ADAMTSL1: variants seen among roughly 807,000 people sequenced by gnomAD.
ADAMTSL1 encodes ADAMTS-like protein 1.
ADAMTSL1 carries 126 observed loss-of-function variants against 201.8 expected under a neutral mutation model. That is an observed-to-expected ratio of 0.62 (90% CI 0.54 to 0.72). The LOEUF (loss-of-function observed/expected upper bound fraction) is 0.72. Among genes scored for constraint, ADAMTSL1 ranks in the 30% least tolerant of loss-of-function variants. The pLI is 0.00. For missense variants in ADAMTSL1, 2,679 were observed against 2,277.8 expected (o/e 1.18, Z -3.59); for synonymous variants, 1,121 against 903.4 (o/e 1.24, Z -4.32).
chr9:18,021,543 A>G (rs571606216), intron 1 of ADAMTSL1, among the ~76,000 whole-genome samples: 23 of 152,212 alleles, frequency 1.5e-4, no homozygotes, highest in African/African-American at 5.3e-4. Context: ...TCTTTACAAA[A>G]CAAGCGATTG....
intron 3 of ADAMTSL1, among the ~76,000 whole-genome samples, chr9:18,538,720 A>G (rs937683143): frequency 1.3e-5 from 2 of 152,174 alleles, no homozygotes; most frequent in South Asian, 4.1e-4. Flanking sequence ...CATGGCATTC[A>G]CAGAGTTGTT....
chr9:18,466,857 T>C (rs1821025667), intron 2 of ADAMTSL1, among the ~76,000 whole-genome samples: 2 of 152,180 alleles, frequency 1.3e-5, no homozygotes, highest in African/African-American at 2.4e-5. Flanking sequence ...TGATCTGTTG[T>C]ATTTTAGGGG....
chr9:18,679,247 C>T (rs1192252748), intron 10 of ADAMTSL1, among the ~76,000 whole-genome samples: 1 of 152,134 alleles, frequency 6.6e-6, no homozygotes, highest in Non-Finnish European at 1.5e-5. Flanking sequence ...AATGGATCAA[C>T]CCAGTGACAT....
At chr9:18,562,090 T>G (rs1218757182) in intron 3 of ADAMTSL1, among the ~76,000 whole-genome samples, 1 of 152,168 alleles carries the variant, frequency 6.6e-6, no homozygotes, top group Non-Finnish European at 1.5e-5. Context: ...ATTTTGCCCA[T>G]TAGTTGATGC....
intron 2 of ADAMTSL1, among the ~76,000 whole-genome samples, chr9:18,250,898 C>T (rs922749376): frequency 1.3e-4 from 20 of 152,036 alleles, no homozygotes; most frequent in African/African-American, 4.8e-4. Flanking sequence ...TGTGTGAGTG[C>T]TAAAGAAACG....
intron 1 of ADAMTSL1, among the ~76,000 whole-genome samples, chr9:18,153,942 A>T (rs1296435436): frequency 1.3e-5 from 2 of 152,042 alleles, no homozygotes; most frequent in Non-Finnish European, 1.5e-5. Context: ...CCTAAAGGCA[A>T]AAGTAGTGAG....
At chr9:18,569,525 C>A (rs1449917254) in intron 3 of ADAMTSL1, among the ~76,000 whole-genome samples, 1 of 152,018 alleles carries the variant, frequency 6.6e-6, no homozygotes, top group Non-Finnish European at 1.5e-5. Context: ...AGGCAGGAAA[C>A]CAAGAAAAAA....
intron 7 of ADAMTSL1, among the ~76,000 whole-genome samples, chr9:18,646,298 A>G (rs1249749409): frequency 1.3e-5 from 2 of 152,140 alleles, no homozygotes; most frequent in South Asian, 2.1e-4. Context: ...GGCTGAGACA[A>G]TGGGGTTTTC....
At chr9:18,051,305 A>G (rs1440798475) in intron 1 of ADAMTSL1, among the ~76,000 whole-genome samples, 1 of 152,166 alleles carries the variant, frequency 6.6e-6, no homozygotes, top group Non-Finnish European at 1.5e-5. Context: ...CATCTCAAAA[A>G]AAAAATTATA....
chr9:18,886,170 A>ATG, intron 23 of ADAMTSL1, among the ~76,000 whole-genome samples: 1 of 30,160 alleles, frequency 3.3e-5, no homozygotes, highest in Non-Finnish European at 6.0e-5. Flanking sequence ...GTATGTGTAT[A>ATG]TATATATATA....
At chr9:17,935,207 C>A (rs1245820262) in intron 1 of ADAMTSL1, among the ~76,000 whole-genome samples, 1 of 152,032 alleles carries the variant, frequency 6.6e-6, no homozygotes, top group Non-Finnish European at 1.5e-5. Flanking sequence ...CACAGTCATG[C>A]CCTCTTCCTG....
intron 15 of ADAMTSL1, among the ~76,000 whole-genome samples, chr9:18,749,543 C>G (rs1442715509): frequency 6.6e-6 from 1 of 152,144 alleles, no homozygotes; most frequent in Non-Finnish European, 1.5e-5. Flanking sequence ...GAGAAAGACT[C>G]TAAGTGTATC....
chr9:17,954,810 T>C (rs149946685), intron 1 of ADAMTSL1, among the ~76,000 whole-genome samples: 16 of 152,292 alleles, frequency 1.1e-4, no homozygotes, highest in African/African-American at 3.6e-4. Flanking sequence ...AGTTTTCACA[T>C]AAAATGGAAA....
intron 2 of ADAMTSL1, among the ~76,000 whole-genome samples, chr9:18,255,894 A>G (rs1196667356): frequency 2.6e-5 from 4 of 152,290 alleles, no homozygotes. Context: ...TGCGAAGCAG[A>G]GATTATAATC....
chr9:18,036,359 T>C (rs1821195784), intron 1 of ADAMTSL1, among the ~76,000 whole-genome samples: 1 of 152,212 alleles, frequency 6.6e-6, no homozygotes, highest in Non-Finnish European at 1.5e-5. Flanking sequence ...CATTACCCCA[T>C]GTAATAAAAT....
intron 1 of ADAMTSL1, among the ~76,000 whole-genome samples, chr9:18,497,224 C>T (rs1822575355): frequency 6.6e-6 from 1 of 152,176 alleles, no homozygotes; most frequent in African/African-American, 2.4e-5. Context: ...TAAAATATCC[C>T]TATAGTCCAG....
At chr9:18,842,638 C>T (rs1176325182) in intron 23 of ADAMTSL1, among the ~76,000 whole-genome samples, 17 of 151,942 alleles carry the variant, frequency 1.1e-4, no homozygotes, top group East Asian at 1.9e-4. Context: ...GACAGTGGGG[C>T]GTTAAAGTCT....
intron 1 of ADAMTSL1, among the ~76,000 whole-genome samples, chr9:18,022,378 G>A (rs891466008): frequency 2.6e-5 from 4 of 152,044 alleles, no homozygotes; most frequent in Non-Finnish European, 4.4e-5. Context: ...ATTGATGCTC[G>A]GTTATTTAAG....
intron 2 of ADAMTSL1, among the ~76,000 whole-genome samples, chr9:18,459,142 C>T (rs911682089): frequency 2.6e-5 from 4 of 152,094 alleles, no homozygotes; most frequent in African/African-American, 4.8e-5. Flanking sequence ...AGACAATAGT[C>T]CTATGCACAT....
Sources: gnomAD v4.1 joint callset for allele counts (sites outside exome capture counted in the v4.1 genomes callset) on GRCh38, gnomAD v4.1.1 for gene constraint, MANE v1.5 for transcripts, NCBI Gene and HGNC (gene_info 2026-07-23, HGNC 2026-07-21) for gene names.